The following MTUS2 variants were observed in gnomAD, a reference collection of about 807,000 sequenced individuals.
The protein encoded by MTUS2 is microtubule associated scaffold protein 2, also known as microtubule-associated tumor suppressor candidate 2.
MTUS2 carries 40 observed loss-of-function variants against 114.1 expected under a neutral mutation model. The ratio of observed to expected loss-of-function variants is 0.35; its 90% CI spans 0.27 to 0.46. The LOEUF (loss-of-function observed/expected upper bound fraction) is 0.46. MTUS2 is among the 20% of genes least tolerant of loss of function. The probability of loss-of-function intolerance (pLI) is 1.00; values close to 1 mark genes in which losing one functional copy is unlikely to be tolerated. For missense variants in MTUS2, 1,679 were observed against 1,705.4 expected, an observed-to-expected ratio of 0.98 and a Z score of 0.27; for synonymous variants, 688 against 672.0, an observed-to-expected ratio of 1.02 and a Z score of -0.37.
chr13:29,220,922 G>A (rs1457836547), intron 5 of MTUS2, among the ~76,000 whole-genome samples: 2 of 152,230 alleles, frequency 1.3e-5, no homozygotes, highest in South Asian at 2.1e-4. Flanking sequence ...GCATGCCTGT[G>A]TAGTGTTCTG....
At chr13:29,428,509 C>G (rs1304749279) in intron 8 of MTUS2, 1 of 382,352 alleles carries the variant, frequency 2.6e-6, no homozygotes, top group East Asian at 4.4e-5. Context: ...GGTAAATGCT[C>G]TGTGGTTATG....
At chr13:28,950,156 C>T (rs1029884764) in intron 2 of MTUS2, among the ~76,000 whole-genome samples, 10 of 152,084 alleles carry the variant, frequency 6.6e-5, no homozygotes, top group Non-Finnish European at 1.0e-4. Flanking sequence ...TATGGGTACC[C>T]GGTGACATTT....
At chr13:29,448,753 CTTT>C (rs71090255) in intron 9 of MTUS2, among the ~76,000 whole-genome samples, 9 of 115,610 alleles carry the variant, frequency 7.8e-5, no homozygotes, top group East Asian at 5.2e-4. Flanking sequence ...ACAGAGTGCT[CTTT>C]TTTTTTTTTT....
chr13:28,949,784 G>A (rs939842965), intron 2 of MTUS2, among the ~76,000 whole-genome samples: 3 of 152,180 alleles, frequency 2.0e-5, no homozygotes, highest in African/African-American at 7.2e-5. Context: ...AATGTGCCAG[G>A]ATTTCCTTCC....
chr13:29,211,570 T>C (rs549214295), intron 5 of MTUS2, among the ~76,000 whole-genome samples: 1 of 152,308 alleles, frequency 6.6e-6, no homozygotes, highest in Admixed American at 6.5e-5. Flanking sequence ...CAAGAACTCC[T>C]GAGAGACAAA....
At chr13:28,841,611 A>G (rs1875490952) in intron 2 of MTUS2, among the ~76,000 whole-genome samples, 1 of 151,968 alleles carries the variant, frequency 6.6e-6, no homozygotes. Flanking sequence ...ACAAATTGAC[A>G]AGAGGGATAT....
chr13:29,124,479 C>T (rs1285929715), intron 5 of MTUS2, among the ~76,000 whole-genome samples: 3 of 151,780 alleles, frequency 2.0e-5, no homozygotes, highest in Non-Finnish European at 2.9e-5. Flanking sequence ...CATGCATTGC[C>T]GATTGGACTA....
At chr13:29,173,261 T>C (rs898034682) in intron 5 of MTUS2, among the ~76,000 whole-genome samples, 6 of 152,184 alleles carry the variant, frequency 3.9e-5, no homozygotes, top group Non-Finnish European at 7.4e-5. Flanking sequence ...GAAGGGATGC[T>C]GTTATTTGGC....
intron 4 of MTUS2, among the ~76,000 whole-genome samples, chr13:29,083,714 T>A (rs1328177291): frequency 6.6e-6 from 1 of 152,216 alleles, no homozygotes; most frequent in Non-Finnish European, 1.5e-5. Context: ...TGTGATGGAT[T>A]TCAGTACTTG....
chr13:29,500,205 C>T (rs776672817), intron 14 of MTUS2, among the ~76,000 whole-genome samples: 11 of 152,218 alleles, frequency 7.2e-5, no homozygotes, highest in Non-Finnish European at 1.5e-4. Flanking sequence ...AGAATCTACT[C>T]GATCACTTCA....
chr13:28,864,212 A>T (rs1877160715), intron 2 of MTUS2, among the ~76,000 whole-genome samples: 1 of 152,198 alleles, frequency 6.6e-6, no homozygotes, highest in Non-Finnish European at 1.5e-5. Context: ...CAAACACAGG[A>T]TGCTCCCTTA....
chr13:29,357,941 C>T (rs1236484935), intron 7 of MTUS2, among the ~76,000 whole-genome samples: 1 of 152,146 alleles, frequency 6.6e-6, no homozygotes, highest in Non-Finnish European at 1.5e-5. Flanking sequence ...CTTGCACGTT[C>T]ACAAACCCAT....
intron 8 of MTUS2, among the ~76,000 whole-genome samples, chr13:29,397,768 A>G (rs1010968408): frequency 2.0e-5 from 3 of 152,314 alleles, no homozygotes; most frequent in African/African-American, 7.2e-5. Flanking sequence ...AGAGCTCTTT[A>G]TCAACCCTTT....
intron 4 of MTUS2, chr13:29,071,985 T>G (rs2138692479): frequency 6.6e-6 from 1 of 152,582 alleles, no homozygotes; most frequent in South Asian, 2.1e-4. Context: ...AGCCCATTTC[T>G]TCCTCCATCT....
chr13:28,945,194 T>TATATATACACAC (rs1555276495), intron 2 of MTUS2, among the ~76,000 whole-genome samples: 5 of 151,000 alleles, frequency 3.3e-5, no homozygotes, highest in African/African-American at 9.9e-5. Context: ...TATATATATA[T>TATATATACACAC]ACACCACATT....
chr13:29,435,362 A>G (rs1877327914), intron 8 of MTUS2, among the ~76,000 whole-genome samples: 1 of 152,120 alleles, frequency 6.6e-6, no homozygotes, highest in African/African-American at 2.4e-5. Context: ...GGAATTTTCC[A>G]CTCATCCCCC....
intron 4 of MTUS2, among the ~76,000 whole-genome samples, chr13:29,090,385 A>G (rs78474519): frequency 0.023 from 3,492 of 152,078 alleles, 151 homozygotes; most frequent in African/African-American, 0.079. Context: ...AGGGTAGTGG[A>G]GTGCCTGTGG....
At chr13:29,283,670 G>C (rs1438823092) in intron 6 of MTUS2, among the ~76,000 whole-genome samples, 1 of 152,136 alleles carries the variant, frequency 6.6e-6, no homozygotes, top group South Asian at 2.1e-4. Flanking sequence ...TTTGGGGCTC[G>C]AGAATTTGCA....
chr13:29,487,157 G>A (rs1593504725), intron 10 of MTUS2, among the ~76,000 whole-genome samples: 1 of 152,200 alleles, frequency 6.6e-6, no homozygotes, highest in South Asian at 2.1e-4. Flanking sequence ...TTATAATCTG[G>A]TGGGCAACCT....
Sources: allele counts gnomAD v4.1 joint callset (sites outside exome capture counted in the v4.1 genomes callset), GRCh38; gene constraint gnomAD v4.1.1; transcripts MANE v1.5; gene names NCBI Gene and HGNC (gene_info 2026-07-23, HGNC 2026-07-21).